Variants in DPP6 observed in about 807,000 individuals in gnomAD.
DPP6 encodes the protein A-type potassium channel modulatory protein DPP6.
A neutral mutation model predicts 122.6 loss-of-function variants in DPP6; 69 were observed. The observed-to-expected ratio is 0.56, with a 90% CI of 0.46 to 0.69. The LOEUF (loss-of-function observed/expected upper bound fraction) is 0.69. DPP6 is among the 30% of genes least tolerant of loss of function. The pLI is 0.00. For missense variants in DPP6, 928 were observed against 1,116.9 expected (o/e 0.83, Z 2.41); for synonymous variants, 418 against 433.1 (o/e 0.97, Z 0.43).
chr7:154,872,009 CG>C (rs1563306353), intron 18 of DPP6, among the ~76,000 whole-genome samples: 1 of 152,156 alleles, frequency 6.6e-6, no homozygotes, highest in African/African-American at 2.4e-5. Flanking sequence ...TTGGTAGCCA[CG>C]GGATCCAATG....
At chr7:154,717,161 G>C (rs1841534148) in intron 7 of DPP6, among the ~76,000 whole-genome samples, 1 of 151,614 alleles carries the variant, frequency 6.6e-6, no homozygotes, top group African/African-American at 2.4e-5. Context: ...TGTATACAAT[G>C]TGTAATTATC....
chr7:154,481,344 G>GTGTGTGTGT lies in DPP6; in HGVS notation c.457+6307_457+6308insTGTGTGTGT, dbSNP rs1554564216. On this transcript the variant is annotated intron_variant, in intron 3 of 25. Transcript: ENST00000377770. The surrounding 1 kb of genome is among the most constrained non-coding windows in gnomAD (Gnocchi z 4.2). ...CTATACACTTGGAGAGAGAGAGAGAGGGGTGTGTGTGTGTGTGTGTGTGTG... is the reference window on the plus strand; with the variant it reads ...CTATACACTTGGAGAGAGAGAGAGAGTGTGTGTGTGGGTGTGTGTGTGTGTGTGTGTGTG... Among the ~76,000 whole-genome samples the GTGTGTGTGT allele has an allele frequency of 2.6e-4, 8 of 30,880 alleles. No individual in the cohort carries two copies. The highest frequency in any genetic ancestry group is 4.5e-4 in the African/African-American group (7 of 15,574). 20.3% of individuals were successfully genotyped at this position (30,880 alleles called of 152,430 possible).
intron 3 of DPP6, among the ~76,000 whole-genome samples, chr7:154,480,515 G>C (rs6959415): frequency 0.39 from 59,015 of 152,050 alleles, 11,824 homozygotes; most frequent in Middle Eastern, 0.47. Flanking sequence ...TTTCTTGTCA[G>C]CTCATGGGCA....
intron 1 of DPP6, among the ~76,000 whole-genome samples, chr7:153,977,269 A>G (rs566716921): frequency 3.3e-5 from 5 of 151,926 alleles, no homozygotes; most frequent in African/African-American, 1.2e-4. Context: ...GACCATGACT[A>G]CGTTTGTGTG....
At chr7:154,712,929 A>C (rs1273019122) in intron 7 of DPP6, among the ~76,000 whole-genome samples, 4 of 152,174 alleles carry the variant, frequency 2.6e-5, no homozygotes, top group African/African-American at 9.6e-5. Flanking sequence ...CAAAAGTCCA[A>C]GTCCAAAGTC....
At chr7:154,732,295 G>C (rs1252574919) in intron 8 of DPP6, among the ~76,000 whole-genome samples, 1 of 151,998 alleles carries the variant, frequency 6.6e-6, no homozygotes, top group Admixed American at 6.6e-5. Context: ...TCATATGCAT[G>C]AGCTATAGTG....
intron 3 of DPP6, among the ~76,000 whole-genome samples, chr7:154,533,121 A>G (rs1459941070): frequency 6.6e-6 from 1 of 152,228 alleles, no homozygotes; most frequent in Non-Finnish European, 1.5e-5. Flanking sequence ...TCCACCATTC[A>G]TCAAACCAAA....
At position 154,242,833 on chromosome 7, in the gene DPP6, C is replaced by A. The variant is rs542117186; in HGVS notation, c.243+189770C>A. Among the ~76,000 whole-genome samples, 11 of 152,314 alleles carry A rather than the reference C, an allele frequency of 7.2e-5. No homozygotes were observed. In the East Asian group the frequency reaches 1.4e-3, roughly 19 times the overall value. On this transcript the variant is annotated intron_variant, in intron 1 of 25. Coordinates refer to ENST00000377770, the MANE Select transcript of DPP6 (RefSeq NM_130797.4). The stretch of plus-strand genomic sequence containing the variant: ...TGGCTGAAGGCTGCCCACACCATGG[C>A]AGGCAGTACACAGGGCCTAGCAGTG...
chr7:154,766,158 T>C (rs1795884040), intron 8 of DPP6, among the ~76,000 whole-genome samples: 1 of 152,174 alleles, frequency 6.6e-6, no homozygotes, highest in Admixed American at 6.5e-5. Flanking sequence ...GCTGCCCTAG[T>C]TTTGTACGGC....
intron 1 of DPP6, among the ~76,000 whole-genome samples, chr7:154,244,950 A>AC: frequency 7.5e-6 from 1 of 133,192 alleles, no homozygotes; most frequent in South Asian, 2.6e-4. Context: ...ATCTAAAGGG[A>AC]CTTTTTTTTT....
At chr7:153,890,401 G>A (rs1361661149) in intron 1 of DPP6, among the ~76,000 whole-genome samples, 1 of 152,226 alleles carries the variant, frequency 6.6e-6, no homozygotes, top group African/African-American at 2.4e-5. Context: ...CATCCACATT[G>A]TATGATTGTT....
At chr7:153,936,979 A>C (rs1389590345) in intron 1 of DPP6, among the ~76,000 whole-genome samples, 2 of 152,178 alleles carry the variant, frequency 1.3e-5, no homozygotes, top group East Asian at 3.9e-4. Flanking sequence ...AGAAAAACTC[A>C]AGGTCAGGAC....
intron 1 of DPP6, among the ~76,000 whole-genome samples, chr7:154,277,158 A>T (rs1804195399): frequency 6.6e-6 from 1 of 152,202 alleles, no homozygotes; most frequent in African/African-American, 2.4e-5. Context: ...CAGGCAACTC[A>T]CTTTTTTTTC....
chr7:154,270,648 A>C (rs1018801920), intron 1 of DPP6, among the ~76,000 whole-genome samples: 3 of 152,178 alleles, frequency 2.0e-5, no homozygotes, highest in Non-Finnish European at 4.4e-5. Context: ...TAAGGCGGCA[A>C]AGTGTGTACT....
intron 1 of DPP6, among the ~76,000 whole-genome samples, chr7:154,153,567 A>G (rs1439920840): frequency 3.3e-5 from 5 of 152,208 alleles, no homozygotes; most frequent in Admixed American, 2.6e-4. Context: ...TGAAATGGCC[A>G]CAGCTGACAG....
intron 22 of DPP6, 97 bp from the exon 23 acceptor site, chr7:154,887,579 A>ACC: frequency 8.1e-7 from 1 of 1,238,464 alleles, no homozygotes; most frequent in Non-Finnish European, 1.2e-6. Flanking sequence ...CTGAGTCCTC[A>ACC]CCCCGCACCC....
At chr7:154,313,714 T>C (rs375737809) in intron 1 of DPP6, among the ~76,000 whole-genome samples, 812 of 17,770 alleles carry the variant, frequency 0.046, 217 homozygotes, top group African/African-American at 0.11. Context: ...TATATATATA[T>C]ACACACACAC....
chr7:154,763,356 GAGAGAGA>G (rs1795688619), intron 8 of DPP6, among the ~76,000 whole-genome samples: 1 of 24,532 alleles, frequency 4.1e-5, no homozygotes, highest in Non-Finnish European at 1.0e-4. Context: ...AGGAAGGAAG[GAGAGAGA>G]GAGAGAGAGA....
At chr7:154,406,513 A>T (rs1055934551) in intron 1 of DPP6, among the ~76,000 whole-genome samples, 1 of 151,788 alleles carries the variant, frequency 6.6e-6, no homozygotes, top group African/African-American at 2.4e-5. Flanking sequence ...ATGCACACAC[A>T]TCCACGCACA....
Sources: allele counts gnomAD v4.1 joint callset (sites outside exome capture counted in the v4.1 genomes callset), GRCh38; gene constraint gnomAD v4.1.1; non-coding constraint Gnocchi (gnomAD v3.1); transcripts MANE v1.5; gene names NCBI Gene and HGNC (gene_info 2026-07-23, HGNC 2026-07-21).